APBA2: variants seen among roughly 807,000 people sequenced by gnomAD.
The protein encoded by APBA2 is amyloid beta precursor protein binding family A member 2.
A neutral mutation model predicts 75.0 loss-of-function variants in APBA2; 30 were observed. The ratio of observed to expected loss-of-function variants is 0.40; its 90% CI spans 0.30 to 0.54. The LOEUF (loss-of-function observed/expected upper bound fraction) is 0.54. APBA2 is among the 20% of genes least tolerant of loss of function. The probability of loss-of-function intolerance (pLI) is 0.49; values close to 1 mark genes in which losing one functional copy is unlikely to be tolerated. For synonymous variants in APBA2, 444 were observed against 409.6 expected, an observed-to-expected ratio of 1.08 and a Z score of -1.01; for missense variants, 801 against 1,016.1, an observed-to-expected ratio of 0.79 and a Z score of 2.88.
intron 3 of APBA2, among the ~76,000 whole-genome samples, chr15:29,023,441 CTTTTTTTTTTTTTTT>C (rs10604525): frequency 1.1e-4 from 8 of 73,290 alleles, no homozygotes; most frequent in South Asian, 5.7e-4. Context: ...TACCTTTTTC[CTTTTTTTTTTTTTTT>C]TTTTTTTTTT....
At chr15:29,104,136 C>T (rs2044280482) in intron 10 of APBA2, among the ~76,000 whole-genome samples, 1 of 152,264 alleles carries the variant, frequency 6.6e-6, no homozygotes, top group African/African-American at 2.4e-5. Context: ...GCTCTTACAT[C>T]CTGCCACGTG....
At chr15:28,972,275 G>A (rs1000552067) in intron 2 of APBA2, among the ~76,000 whole-genome samples, 5 of 152,110 alleles carry the variant, frequency 3.3e-5, no homozygotes, top group African/African-American at 1.2e-4. Flanking sequence ...ACAAGGCAAT[G>A]GAACAGAACT....
At chr15:29,050,616 T>TG (rs1225190030) in intron 3 of APBA2, among the ~76,000 whole-genome samples, 1 of 152,302 alleles carries the variant, frequency 6.6e-6, no homozygotes, top group African/African-American at 2.4e-5. Flanking sequence ...TTTTCATTTT[T>TG]GAAAACTTGA....
chr15:28,915,210 C>T (rs2033628956), intron 1 of APBA2, among the ~76,000 whole-genome samples: 33 of 102,564 alleles, frequency 3.2e-4, no homozygotes, highest in East Asian at 9.9e-4. Flanking sequence ...ACACATAGCG[C>T]ATACACACCA....
Position 29,054,825 on chromosome 15 carries a change from C to T in APBA2, c.941C>T (p.Pro314Leu). The change falls in exon 4 of 15, where the codon CCC (proline) becomes CTC (leucine). Residue 314 changes from proline (P) to leucine (L), a missense_variant. Around this residue, in one of 2 missense-constraint regions of APBA2, gnomAD observed 434 missense variants for 471.6 expected, o/e 0.92. Transcript: ENST00000683413. This position sits in a 1 kb window ranked among gnomAD's most constrained non-coding sequence, Gnocchi z 6.1. ...TRTPEERLKW[P>L]HEQVCNGLEQ... ...ACCCCAGAAGAGAGGCTGAAGTGGC[C>T]CCACGAGCAGGTAGGACCCTGGCTG... The T allele has an allele frequency of 1.3e-6, 2 of 1,598,914 alleles. No homozygotes were observed. Among genetic ancestry groups the T allele is most frequent in the Non-Finnish European group, 1.7e-6 (2 of 1,179,536 alleles).
rs1595944092 is a variant in APBA2 at position 29,093,047 on chromosome 15, A to C, written c.1070-28A>C. 2 of 1,614,012 alleles carry C rather than the reference A, an allele frequency of 1.2e-6. 1 individual carries two copies. Among genetic ancestry groups the C allele is most frequent in the East Asian group, 4.5e-5 (2 of 44,876 alleles). ...TTGTTCAGGGGACTTCTCCTCTAGG[A>C]AGACTCTGACTCTGTGCCCTCCTTC... On this transcript the variant is annotated intron_variant, in intron 6 of 14. Coordinates refer to ENST00000683413, the MANE Select transcript of APBA2 (RefSeq NM_001353788.2).
chr15:28,893,131 C>G (rs1203631556), intron 1 of APBA2, among the ~76,000 whole-genome samples: 1 of 152,198 alleles, frequency 6.6e-6, no homozygotes, highest in African/African-American at 2.4e-5. Context: ...GGCTTTGCCT[C>G]CACGTGTGAG....
intron 6 of APBA2, among the ~76,000 whole-genome samples, chr15:29,085,612 A>C (rs1595923244): frequency 6.6e-6 from 1 of 151,912 alleles, no homozygotes; most frequent in Non-Finnish European, 1.5e-5. Flanking sequence ...TTGTTAGCAC[A>C]GTTGATGTGT....
chr15:29,106,476 A>G, intron 11 of APBA2, 131 bp from the exon 12 acceptor site: 1 of 1,056,004 alleles, frequency 9.5e-7, no homozygotes, highest in South Asian at 1.4e-5. Context: ...CCTGGCTGAG[A>G]TGAGCCAGCC....
At chr15:28,916,352 C>T (rs1427100273) in intron 1 of APBA2, among the ~76,000 whole-genome samples, 3 of 152,180 alleles carry the variant, frequency 2.0e-5, no homozygotes, top group South Asian at 2.1e-4. Flanking sequence ...GTCTCAGTGC[C>T]GACATCTCCC....
intron 3 of APBA2, among the ~76,000 whole-genome samples, chr15:29,047,912 T>C (rs1236479833): frequency 6.6e-6 from 1 of 152,162 alleles, no homozygotes; most frequent in East Asian, 1.9e-4. Context: ...CACAGAAATA[T>C]TATATTTAAG....
intron 3 of APBA2, among the ~76,000 whole-genome samples, chr15:29,006,751 C>T (rs1287587838): frequency 3.9e-5 from 6 of 152,176 alleles, no homozygotes; most frequent in African/African-American, 9.6e-5. Context: ...ATACAGTTAT[C>T]GCTACCTGGC....
chr15:28,947,250 G>A (rs2035599416), intron 2 of APBA2, among the ~76,000 whole-genome samples: 1 of 152,178 alleles, frequency 6.6e-6, no homozygotes, highest in African/African-American at 2.4e-5. Flanking sequence ...AGCTCCTTGG[G>A]TGCAGTGACA....
chr15:28,946,973 G>A (rs1350692651), intron 2 of APBA2, among the ~76,000 whole-genome samples: 1 of 152,240 alleles, frequency 6.6e-6, no homozygotes, highest in Non-Finnish European at 1.5e-5. Flanking sequence ...GCAGCCATAG[G>A]AAGCTAACAC....
chr15:28,978,757 C>T (rs779274634), intron 2 of APBA2, among the ~76,000 whole-genome samples: 2 of 152,214 alleles, frequency 1.3e-5, no homozygotes, highest in South Asian at 4.1e-4. Context: ...TCACATTCTT[C>T]TCCAGGACTG....
chr15:28,948,720 T>C (rs1216111152), intron 2 of APBA2, among the ~76,000 whole-genome samples: 1 of 152,236 alleles, frequency 6.6e-6, no homozygotes, highest in Non-Finnish European at 1.5e-5. Flanking sequence ...TGATACAGTC[T>C]GTGCCCTGCG....
intron 3 of APBA2, among the ~76,000 whole-genome samples, chr15:29,035,239 AG>A (rs1438267017): frequency 6.6e-6 from 1 of 152,190 alleles, no homozygotes; most frequent in Non-Finnish European, 1.5e-5. Flanking sequence ...CAGAGGAGTA[AG>A]GGCTTGCTAC....
intron 4 of APBA2, among the ~76,000 whole-genome samples, chr15:29,064,433 T>C (rs911251002): frequency 6.6e-5 from 10 of 152,114 alleles, no homozygotes; most frequent in Non-Finnish European, 1.3e-4. Flanking sequence ...CATTTGAAAC[T>C]CATTCTAGAG....
chr15:29,056,188 T>A lies in APBA2; in HGVS notation c.951+1353T>A, dbSNP rs28639932. ...GTGGTGGGGAGTAAGCAAGACCTGA[T>A]ATTTTCTGGTTTTGTGCTTCATGCT... On this transcript the variant is annotated intron_variant, in intron 4 of 14. Transcript: ENST00000683413. 4.4e-3 allele frequency among the ~76,000 whole-genome samples: 674 copies of A among 152,280 alleles called. 11 individuals are homozygous for A. Among genetic ancestry groups the A allele is most frequent in the African/African-American group, 0.016 (646 of 41,550 alleles).
Sources: gnomAD v4.1 joint callset for allele counts (sites outside exome capture counted in the v4.1 genomes callset) on GRCh38, gnomAD v4.1.1 for gene constraint, gnomAD v4.1.1 regional missense constraint, Gnocchi (gnomAD v3.1) non-coding constraint, MANE v1.5 for transcripts, NCBI Gene and HGNC (gene_info 2026-07-23, HGNC 2026-07-21) for gene names.